Variants in NETO1 observed in about 807,000 individuals in gnomAD.
The protein encoded by NETO1 is neuropilin and tolloid like 1.
NETO1 carries 26 observed loss-of-function variants against 61.3 expected under a neutral mutation model. The ratio of observed to expected loss-of-function variants is 0.42; its 90% CI spans 0.31 to 0.59. The LOEUF (loss-of-function observed/expected upper bound fraction) is 0.59. NETO1 is among the 20% of genes least tolerant of loss of function. The pLI is 0.12. For missense variants in NETO1, 531 were observed against 662.8 expected (o/e 0.80, Z 2.18); for synonymous variants, 225 against 225.8 (o/e 1.00, Z 0.03).
chr18:72,862,233 A>G (rs1183454109), intron 3 of NETO1, among the ~76,000 whole-genome samples: 1 of 152,224 alleles, frequency 6.6e-6, no homozygotes, highest in African/African-American at 2.4e-5. Flanking sequence ...GGTTAATTAA[A>G]TCAGAATTCC....
In NETO1 at chr18:72,858,698, A is replaced by G; in HGVS notation, c.469+128T>C. On this transcript the variant is annotated intron_variant, in intron 4 of 10. Transcript: ENST00000327305. ...GTGTAGGGAAAAGAAAAAGCACTGT[A>G]GATTTGGTTTTAAATAGAACTGGAA... is the stretch of plus-strand genomic sequence containing the variant. 3 of 936,004 alleles carry G rather than the reference A, an allele frequency of 3.2e-6. No homozygotes were observed. In the East Asian group the frequency reaches 8.0e-5, roughly 25 times the overall value. 58.0% of individuals were successfully genotyped at this position (936,004 alleles called of 1,614,324 possible). A position where few individuals can be genotyped will look rare whatever the true frequency, so the allele number is the denominator to read the frequency against.
intron 4 of NETO1, among the ~76,000 whole-genome samples, chr18:72,845,367 C>T (rs1221799117): frequency 6.6e-6 from 1 of 152,102 alleles, no homozygotes; most frequent in African/African-American, 2.4e-5. Context: ...CCTCAGACAA[C>T]CTAGCACTGT....
rs370397037 is a variant in NETO1, at chr18:72,774,956, T to C, written c.868+8722A>G. ...TAGGTGATAATATTGATTTTCTTTG[T>C]CTTGTCCCTGGGTTTCAAAATTGCT... On this transcript the variant is annotated intron_variant, in intron 7 of 10. Transcript: ENST00000327305. 2.3e-4 allele frequency among the ~76,000 whole-genome samples: 35 copies of C among 152,338 alleles called. 1 individual carries two copies. In the East Asian group the frequency reaches 6.2e-3, roughly 27 times the overall value.
intron 4 of NETO1, among the ~76,000 whole-genome samples, chr18:72,800,661 C>A (rs1424266500): frequency 1.3e-5 from 2 of 152,146 alleles, no homozygotes; most frequent in Non-Finnish European, 2.9e-5. Context: ...CACCCCAGCA[C>A]ATGGAAAAAT....
At chr18:72,865,328 T>G (rs1048459233) in intron 1 of NETO1, 87 bp from the exon 2 acceptor site, 2 of 1,257,300 alleles carry the variant, frequency 1.6e-6, no homozygotes, top group Non-Finnish European at 2.2e-6. Context: ...GATAAAATAA[T>G]ATCAAAGCAG....
intron 1 of NETO1, chr18:72,867,032 G>C: frequency 2.1e-6 from 1 of 470,662 alleles, no homozygotes; most frequent in Non-Finnish European, 3.7e-6. Flanking sequence ...CCTGCGCACT[G>C]AAAGACCGTT....
intron 4 of NETO1, among the ~76,000 whole-genome samples, chr18:72,798,722 G>T (rs2072402662): frequency 6.6e-6 from 1 of 152,188 alleles, no homozygotes; most frequent in Non-Finnish European, 1.5e-5. Flanking sequence ...TGTCATCGGA[G>T]AGCTTCTTTG....
chr18:72,813,763 A>G (rs553844444), intron 4 of NETO1, among the ~76,000 whole-genome samples: 1 of 152,306 alleles, frequency 6.6e-6, no homozygotes, highest in East Asian at 1.9e-4. Context: ...AGAGTGAGAA[A>G]ATAAAGGAGA....
downstream of NETO1, chr18:72,742,534 A>G (rs942333009): frequency 6.6e-6 from 1 of 152,220 alleles, no homozygotes; most frequent in African/African-American, 2.4e-5. Context: ...AGGTGGAGAG[A>G]AGGTGTTATA....
At chr18:72,760,815 G>C (rs1030179356) in intron 7 of NETO1, among the ~76,000 whole-genome samples, 1 of 152,158 alleles carries the variant, frequency 6.6e-6, no homozygotes, top group African/African-American at 2.4e-5. Flanking sequence ...CAATATGCCT[G>C]ATTTTCCAAC....
At chr18:72,767,129 A>G (rs2071192843) in intron 7 of NETO1, among the ~76,000 whole-genome samples, 1 of 152,198 alleles carries the variant, frequency 6.6e-6, no homozygotes, top group African/African-American at 2.4e-5. Context: ...CAAGTCCCAC[A>G]AAGGGGGCCT....
At chr18:72,827,734 A>AAAAG (rs2073430335) in intron 4 of NETO1, among the ~76,000 whole-genome samples, 1 of 151,756 alleles carries the variant, frequency 6.6e-6, no homozygotes, top group Non-Finnish European at 1.5e-5. Context: ...AAAAAAAAAA[A>AAAAG]AAAGAAAGGG....
chr18:72,773,615 G>T (rs955420597), intron 7 of NETO1, among the ~76,000 whole-genome samples: 4 of 152,096 alleles, frequency 2.6e-5, no homozygotes, highest in Non-Finnish European at 4.4e-5. Context: ...GATAGTGAGT[G>T]AGTTCTCAGG....
intron 4 of NETO1, among the ~76,000 whole-genome samples, chr18:72,844,571 T>C (rs951052662): frequency 1.3e-5 from 2 of 152,200 alleles, no homozygotes; most frequent in Non-Finnish European, 1.5e-5. Context: ...TTTCAAATGG[T>C]CTTGTCTACC....
At chr18:72,823,580 G>T (rs1007185218) in intron 4 of NETO1, among the ~76,000 whole-genome samples, 1 of 152,150 alleles carries the variant, frequency 6.6e-6, no homozygotes, top group African/African-American at 2.4e-5. Context: ...GAAGACGGGA[G>T]TTAAAAGGAT....
intron 4 of NETO1, among the ~76,000 whole-genome samples, chr18:72,850,968 G>C (rs185644269): frequency 1.3e-5 from 2 of 152,172 alleles, no homozygotes; most frequent in Non-Finnish European, 2.9e-5. Flanking sequence ...TGCATGGAAC[G>C]AGCTCATTTC....
chr18:72,846,046 A>T (rs114848787), intron 4 of NETO1, among the ~76,000 whole-genome samples: 3,738 of 152,144 alleles, frequency 0.025, 129 homozygotes, highest in African/African-American at 0.086. Flanking sequence ...GAAGGCTCAT[A>T]AACAGTTCAG....
Position 72,821,234 on chromosome 18 carries a change from T to TAAAAAAAAAAAA in NETO1, c.470-26842_470-26831dup, listed in dbSNP as rs10672110. ...TAAGCATTCTCTTCTTCATATTAAC[T>TAAAAAAAAAAAA]AAAAAAAAAAAAAAAAAAAAAAATG... On this transcript the variant is annotated intron_variant, in intron 4 of 10. Coordinates refer to ENST00000327305, the MANE Select transcript of NETO1 (RefSeq NM_138966.5). 5.0e-3 allele frequency among the ~76,000 whole-genome samples: 403 copies of TAAAAAAAAAAAA among 80,174 alleles called. 13 individuals carry two copies. The highest frequency in any genetic ancestry group is 0.026 in the East Asian group (86 of 3,300). 52.6% of individuals were successfully genotyped at this position (80,174 alleles called of 152,430 possible). A position where few individuals can be genotyped will look rare whatever the true frequency, so the allele number is the denominator to read the frequency against.
intron 4 of NETO1, among the ~76,000 whole-genome samples, chr18:72,828,837 A>G (rs1176387839): frequency 6.6e-6 from 1 of 152,210 alleles, no homozygotes; most frequent in Non-Finnish European, 1.5e-5. Context: ...GTCTACTAAG[A>G]TCTGGGAGAA....
Sources: allele counts gnomAD v4.1 joint callset (sites outside exome capture counted in the v4.1 genomes callset), GRCh38; gene constraint gnomAD v4.1.1; transcripts MANE v1.5; gene names NCBI Gene and HGNC (gene_info 2026-07-23, HGNC 2026-07-21).